The following TMEM217 variants were observed in gnomAD, a reference collection of about 807,000 sequenced individuals.
The protein encoded by TMEM217 is chromosome 6 open reading frame 128.
For missense variants in TMEM217, 204 were observed against 248.8 expected, an observed-to-expected ratio of 0.82 and a Z score of 1.21; for synonymous variants, 76 against 88.3, an observed-to-expected ratio of 0.86 and a Z score of 0.78.
intron 1 of TMEM217, among the ~76,000 whole-genome samples, chr6:37,228,914 G>A (rs1277937363): frequency 6.9e-6 from 1 of 145,120 alleles, no homozygotes; most frequent in Non-Finnish European, 1.5e-5. Context: ...GGAGAATGGC[G>A]TGAACCTGGG....
At chr6:37,219,896 G>A (rs928820196) in intron 1 of TMEM217, among the ~76,000 whole-genome samples, 2 of 152,126 alleles carry the variant, frequency 1.3e-5, no homozygotes, top group African/African-American at 4.8e-5. Flanking sequence ...ATAAAAACAG[G>A]TGGACACCAA....
intron 1 of TMEM217, among the ~76,000 whole-genome samples, chr6:37,237,985 T>G (rs114978024): frequency 0.011 from 1,740 of 152,224 alleles, 37 homozygotes; most frequent in African/African-American, 0.039. Context: ...AGATGCAAAT[T>G]GCTGACCAGA....
At chr6:37,253,865 A>G (rs2113937200) in intron 1 of TMEM217, among the ~76,000 whole-genome samples, 1 of 152,256 alleles carries the variant, frequency 6.6e-6, no homozygotes, top group African/African-American at 2.4e-5. Context: ...TCTCTTTCAT[A>G]AAACTTTCTC....
rs561678234 is a variant in TMEM217, at chr6:37,235,404, C to T, written c.-11-16363G>A. 5.3e-5 allele frequency among the ~76,000 whole-genome samples: 8 copies of T among 152,070 alleles called. No individual in the cohort carries two copies. In the South Asian group the frequency reaches 6.2e-4, roughly 12 times the overall value. ...TTTTTGAGACAGAGTCTTGCTCTGT[C>T]GCCCAGGCTAGAGTGCAGTGGTGCC... On this transcript the variant is annotated intron_variant, in intron 1 of 1. Coordinates refer to ENST00000357219, the Ensembl canonical transcript of TMEM217.
chr6:37,216,143 A>G (rs900576970), downstream of TMEM217, among the ~76,000 whole-genome samples: 4 of 151,980 alleles, frequency 2.6e-5, no homozygotes, highest in Non-Finnish European at 5.9e-5. Context: ...CAGTGGTGCA[A>G]TTATGGCTCA....
At chr6:37,247,860 C>G (rs374959941) in intron 1 of TMEM217, among the ~76,000 whole-genome samples, 2 of 152,296 alleles carry the variant, frequency 1.3e-5, no homozygotes, top group East Asian at 1.9e-4. Flanking sequence ...AACTCTTAGA[C>G]ATTTCCAATA....
At chr6:37,257,838 G>A in exon 1 of TMEM217, 1 of 1,515,942 alleles carries the variant, frequency 6.6e-7, no homozygotes, top group Non-Finnish European at 9.0e-7. Context: ...GCCTGGGTTG[G>A]CCCTCAGATT....
chr6:37,229,808 A>G (rs1764092671), intron 1 of TMEM217, among the ~76,000 whole-genome samples: 1 of 152,162 alleles, frequency 6.6e-6, no homozygotes, highest in African/African-American at 2.4e-5. Context: ...AATTACCACA[A>G]ACTGAGTGGT....
At chr6:37,234,207 C>A (rs548318799) in intron 1 of TMEM217, among the ~76,000 whole-genome samples, 1 of 150,076 alleles carries the variant, frequency 6.7e-6, no homozygotes, top group Non-Finnish European at 1.5e-5. Context: ...TTGAATGATT[C>A]TCCTGCCTCA....
In TMEM217 at chr6:37,252,551, GA is replaced by G. The variant is rs913210744; in HGVS notation, c.-12+5016del. 3.6e-3 allele frequency among the ~76,000 whole-genome samples: 543 copies of G among 150,570 alleles called. 3 individuals carry two copies. Among genetic ancestry groups the G allele is most frequent in the African/African-American group, 0.012 (500 of 40,862 alleles). On this transcript the variant is annotated intron_variant, in intron 1 of 1. Coordinates refer to ENST00000357219, the Ensembl canonical transcript of TMEM217. ...ATATATGTCAACATGTATATGTTGT[GA>G]GGGGTGTGAGGGGTGTGTGTGTGCA...
intron 1 of TMEM217, among the ~76,000 whole-genome samples, chr6:37,222,163 G>A (rs755393392): frequency 3.9e-5 from 6 of 152,196 alleles, no homozygotes; most frequent in Non-Finnish European, 5.9e-5. Context: ...TTGGTACATC[G>A]GGGGCCATGG....
At chr6:37,231,288 T>C (rs1764194421) in intron 1 of TMEM217, among the ~76,000 whole-genome samples, 1 of 147,032 alleles carries the variant, frequency 6.8e-6, no homozygotes, top group Non-Finnish European at 1.5e-5. Flanking sequence ...CAGGCTGGTC[T>C]TGAACTCCTG....
At chr6:37,232,621 G>A (rs1562012907) in intron 1 of TMEM217, among the ~76,000 whole-genome samples, 1 of 152,128 alleles carries the variant, frequency 6.6e-6, no homozygotes, top group African/African-American at 2.4e-5. Context: ...CTCTGCAACA[G>A]CTAGTCCAAG....
chr6:37,213,765 C>T (rs548014887), downstream of TMEM217, among the ~76,000 whole-genome samples: 34 of 152,348 alleles, frequency 2.2e-4, no homozygotes, highest in South Asian at 1.0e-3. Flanking sequence ...CTGGAGTAGG[C>T]TGGGCCTACA....
chr6:37,244,307 G>A (rs924771767), intron 1 of TMEM217, among the ~76,000 whole-genome samples: 111 of 152,352 alleles, frequency 7.3e-4, no homozygotes, highest in African/African-American at 2.5e-3. Flanking sequence ...TCTTACTGTC[G>A]TAGTTTTGCA....
At chr6:37,252,609 A>ATG (rs375935772) in intron 1 of TMEM217, among the ~76,000 whole-genome samples, 3 of 36,380 alleles carry the variant, frequency 8.2e-5, no homozygotes, top group Non-Finnish European at 1.0e-4. Context: ...GTGTGTGTGT[A>ATG]TGTGTGTGTA....
chr6:37,215,244 G>T (rs1392120387), downstream of TMEM217: 2 of 1,613,870 alleles, frequency 1.2e-6, no homozygotes, highest in East Asian at 2.2e-5. Flanking sequence ...GGCTGAGCTT[G>T]GCACTGGAGA....
chr6:37,251,170 C>T (rs1169855480), intron 1 of TMEM217, among the ~76,000 whole-genome samples: 1 of 152,174 alleles, frequency 6.6e-6, no homozygotes, highest in Non-Finnish European at 1.5e-5. Flanking sequence ...TTACAAGCTA[C>T]CCAATCTATG....
chr6:37,213,106 T>G, downstream of TMEM217: 10 of 757,244 alleles, frequency 1.3e-5, no homozygotes, highest in East Asian at 2.7e-5. Flanking sequence ...TGATGGTGTG[T>G]GGACAGGCAA....
Sources: gnomAD v4.1 joint callset for allele counts (sites outside exome capture counted in the v4.1 genomes callset) on GRCh38, gnomAD v4.1.1 for gene constraint, MANE v1.5 for transcripts, NCBI Gene and HGNC (gene_info 2026-07-23, HGNC 2026-07-21) for gene names.